ZFYVE1: variants seen among roughly 807,000 people sequenced by gnomAD.
The protein encoded by ZFYVE1 is zinc finger FYVE domain-containing protein 1.
ZFYVE1 carries 30 observed loss-of-function variants against 74.4 expected under a neutral mutation model. That is an observed-to-expected ratio of 0.40 (90% CI 0.30 to 0.55). ZFYVE1 has a LOEUF of 0.55. ZFYVE1 is among the 20% of genes least tolerant of loss of function. The probability of loss-of-function intolerance (pLI) is 0.42; values close to 1 mark genes in which losing one functional copy is unlikely to be tolerated. For synonymous variants in ZFYVE1, 335 were observed against 385.1 expected (o/e 0.87, Z 1.52); for missense variants, 703 against 1,011.6 (o/e 0.69, Z 4.14).
intron 2 of ZFYVE1, among the ~76,000 whole-genome samples, chr14:73,010,192 C>G (rs1351514833): frequency 6.6e-6 from 1 of 152,212 alleles, no homozygotes; most frequent in East Asian, 1.9e-4. Context: ...TAGGCTGGCA[C>G]AGTGGGTCAC....
At chr14:72,976,267 AT>A (rs1340107104) in intron 8 of ZFYVE1, among the ~76,000 whole-genome samples, 1 of 152,200 alleles carries the variant, frequency 6.6e-6, no homozygotes, top group African/African-American at 2.4e-5. Context: ...TATCCTCCTA[AT>A]TTCGAGGACT....
Position 72,977,136 on chromosome 14 carries a change from G to A in ZFYVE1, c.1635+791C>T, listed in dbSNP as rs550056573. ...AAAAAATAATCATTAAACTGGGCGC[G>A]GTGGCTCACGCCCATAATCCCAGCC... On this transcript the variant is annotated intron_variant, in intron 8 of 11. Transcript: ENST00000556143. Among the ~76,000 whole-genome samples, 31 of 152,302 alleles carry A rather than the reference G, an allele frequency of 2.0e-4. No homozygotes were observed. In the South Asian group the frequency reaches 4.6e-3, roughly 22 times the overall value.
chr14:73,024,481 T>C lies in ZFYVE1; in HGVS notation c.28A>G (p.Lys10Glu), dbSNP rs143632615. 137 of 1,610,316 alleles carry C rather than the reference T, an allele frequency of 8.5e-5. No homozygotes were observed. Among genetic ancestry groups the C allele is most frequent in the Admixed American group, 1.7e-5 (1 of 59,628 alleles). ...CACATCAGCCCCGGATTCAGGCCCT[T>C]CTCTGCTGGGGAAGTCTGGGCACTC... is the stretch of plus-strand genomic sequence containing the variant. The part of the protein sequence containing the change: MSAQTSPAE[K>E]GLNPGLMCQE... Residue 10 changes from lysine (K) to glutamate (E), a missense_variant, in exon 2 of 12, where the codon AAG becomes GAG. By Grantham distance (56) the Lys-to-Glu change is moderately conservative. This residue lies in a region of ZFYVE1 where 211 missense variants were observed against 221.7 expected (regional missense o/e 0.95). Transcript: ENST00000556143.
intron 3 of ZFYVE1, among the ~76,000 whole-genome samples, chr14:72,995,559 G>C (rs1893724453): frequency 6.6e-6 from 1 of 152,144 alleles, no homozygotes; most frequent in Admixed American, 6.5e-5. Context: ...TCAGGGGCTG[G>C]TTACTTCAAA....
At chr14:72,985,141 A>C (rs1020350895) in intron 4 of ZFYVE1, among the ~76,000 whole-genome samples, 1 of 152,202 alleles carries the variant, frequency 6.6e-6, no homozygotes, top group African/African-American at 2.4e-5. Context: ...AACACTCTGA[A>C]GACACCTGAT....
intron 2 of ZFYVE1, 94 bp downstream of exon 2, chr14:73,023,932 T>C (rs995288376): frequency 2.5e-5 from 38 of 1,504,448 alleles, no homozygotes; most frequent in Non-Finnish European, 3.2e-5. Flanking sequence ...ATGATTAAAA[T>C]GTGATCTCTT....
chr14:73,024,723 C>T lies in ZFYVE1; in HGVS notation c.-215G>A, dbSNP rs1017928362. ...TCTAAGACTCTTGTATTAGCAGCAA[C>T]GTTGATTTGGTTTGATGGTTTCATC... On this transcript the variant is annotated 5_prime_UTR_variant, in exon 2 of 12. Transcript: ENST00000556143. 76 of 618,376 alleles carry T rather than the reference C, an allele frequency of 1.2e-4. 1 individual carries two copies. The African/African-American group carries it at 1.3e-3, about 11-fold the overall frequency. The allele number at this position is 618,376 out of a possible 1,614,324, so 38.3% of individuals were successfully genotyped here. A position where few individuals can be genotyped will look rare whatever the true frequency, so the allele number is the denominator to read the frequency against.
At position 73,024,136 on chromosome 14, in the gene ZFYVE1, T is replaced by C; in HGVS notation, c.373A>G (p.Asn125Asp). ...RHPVTVYNVS[N>D]LQESLEAEEM... ...TCTGCCTCCAGTGACTCCTGGAGAT[T>C]ACTGACATTGTACACAGTAACAGGG... Residue 125 changes from asparagine (N) to aspartate (D), a missense_variant, in exon 2 of 12, where the codon AAT becomes GAT. Around this residue, in one of 2 missense-constraint regions of ZFYVE1, gnomAD observed 211 missense variants for 221.7 expected, o/e 0.95. Coordinates refer to ENST00000556143, the MANE Select transcript of ZFYVE1 (RefSeq NM_021260.4). 1 of 1,614,216 alleles carries C rather than the reference T, an allele frequency of 6.2e-7. No homozygotes were observed. Among genetic ancestry groups the C allele is most frequent in the Non-Finnish European group, 8.5e-7 (1 of 1,180,040 alleles).
At chr14:72,999,599 A>C (rs1386673478) in intron 2 of ZFYVE1, among the ~76,000 whole-genome samples, 1 of 152,060 alleles carries the variant, frequency 6.6e-6, no homozygotes, top group African/African-American at 2.4e-5. Context: ...ATGAAAAGAC[A>C]ACTTACAGAA....
intron 2 of ZFYVE1, among the ~76,000 whole-genome samples, chr14:73,022,040 A>C (rs1894330201): frequency 6.6e-6 from 1 of 152,212 alleles, no homozygotes; most frequent in African/African-American, 2.4e-5. Flanking sequence ...ACTTTCCAAA[A>C]GCTGACATTA....
chr14:73,023,190 ATAT>A (rs1894356808), intron 2 of ZFYVE1, among the ~76,000 whole-genome samples: 1 of 105,258 alleles, frequency 9.5e-6, no homozygotes. Flanking sequence ...ATATATATAT[ATAT>A]TTTATATATG....
intron 11 of ZFYVE1, among the ~76,000 whole-genome samples, chr14:72,973,858 C>T (rs919228406): frequency 2.6e-5 from 4 of 152,180 alleles, no homozygotes; most frequent in African/African-American, 7.2e-5. Context: ...TAAGGTAGCT[C>T]GTTACACAGC....
Position 72,980,609 on chromosome 14 carries a change from C to T in ZFYVE1, c.1310+1180G>A, listed in dbSNP as rs1478687848. ...TTGAGAAAGAGTCTCACTCTGTCGC[C>T]CAGGCTGGAGTGCAGTGGCGCAATC... is the stretch of plus-strand genomic sequence containing the variant. On this transcript the variant is annotated intron_variant, in intron 5 of 11. Transcript: ENST00000556143. Among the ~76,000 whole-genome samples, 6 of 151,534 alleles carry T rather than the reference C, an allele frequency of 4.0e-5. No individual in the cohort carries two copies. In the East Asian group the frequency reaches 1.2e-3, roughly 29 times the overall value.
At chr14:73,020,985 G>C (rs1441632369) in intron 2 of ZFYVE1, among the ~76,000 whole-genome samples, 4 of 152,006 alleles carry the variant, frequency 2.6e-5, no homozygotes, top group African/African-American at 9.7e-5. Context: ...CTACCTGCCT[G>C]GGCCTCCCAA....
rs112940765 is a variant in ZFYVE1, at chr14:72,978,837, C to T, written c.1419+24G>A. On this transcript the variant is annotated intron_variant, in intron 6 of 11. Coordinates refer to ENST00000556143, the MANE Select transcript of ZFYVE1 (RefSeq NM_021260.4). The stretch of plus-strand genomic sequence containing the variant: ...GTGGTCAGCAAGCCCGCTGCTGACA[C>T]AGGGAGGAGCTCGGAGGACTCACCT... The T allele has an allele frequency of 8.7e-6, 14 of 1,606,740 alleles. No homozygotes were observed. The African/African-American group carries it at 1.6e-4, about 18-fold the overall frequency.
intron 5 of ZFYVE1, 136 bp from the exon 6 acceptor site, chr14:72,979,105 A>T: frequency 1.4e-6 from 1 of 737,606 alleles, no homozygotes; most frequent in Non-Finnish European, 2.4e-6. Context: ...TGCTGAACAC[A>T]GAAAGGGTAG....
intron 2 of ZFYVE1, among the ~76,000 whole-genome samples, chr14:73,000,785 T>C (rs1383051396): frequency 6.6e-6 from 1 of 152,144 alleles, no homozygotes; most frequent in African/African-American, 2.4e-5. Context: ...AGTACATCAA[T>C]GTTCACAGCA....
chr14:72,976,207 T>TGAAGGAAG (rs138557601), intron 8 of ZFYVE1, among the ~76,000 whole-genome samples: 1 of 151,984 alleles, frequency 6.6e-6, no homozygotes, highest in African/African-American at 2.4e-5. Flanking sequence ...GAATAATGAA[T>TGAAGGAAG]GAAGGAAGGA....
chr14:72,973,984 T>A lies in ZFYVE1; in HGVS notation c.2101+96A>T. On this transcript the variant is annotated intron_variant, in intron 11 of 11. Transcript: ENST00000556143. ...TTGATTCCTTTACCACCCATCTCAA[T>A]CTAGGTTGGCAAGCCTTTACAAAGT... 9 of 1,012,826 alleles carry A rather than the reference T, an allele frequency of 8.9e-6. No individual in the cohort carries two copies. In the Admixed American group the frequency reaches 1.8e-4, roughly 20 times the overall value. 62.7% of individuals were successfully genotyped at this position (1,012,826 alleles called of 1,614,324 possible). A position where few individuals can be genotyped will look rare whatever the true frequency, so the allele number is the denominator to read the frequency against.
Sources: allele counts gnomAD v4.1 joint callset (sites outside exome capture counted in the v4.1 genomes callset), GRCh38; gene constraint gnomAD v4.1.1; regional missense constraint gnomAD v4.1.1; transcripts MANE v1.5; gene names NCBI Gene and HGNC (gene_info 2026-07-23, HGNC 2026-07-21).